The following CNTN6 variants were observed in gnomAD, a reference collection of about 807,000 sequenced individuals.
CNTN6 encodes contactin-6.
Under a neutral mutation model 122.8 loss-of-function variants are expected in CNTN6, and 137 were observed. The observed-to-expected ratio is 1.12, with a 90% CI of 0.97 to 1.29. The LOEUF is 1.29. Ranked by LOEUF, CNTN6 falls within the 50% of genes most tolerant of loss-of-function variation. The pLI is 0.00. For missense variants in CNTN6, 1,634 were observed against 1,223.4 expected, an observed-to-expected ratio of 1.34 and a Z score of -5.01; for synonymous variants, 570 against 426.0, an observed-to-expected ratio of 1.34 and a Z score of -4.16.
At position 1,278,531 on chromosome 3, in the gene CNTN6, A is replaced by G. The variant is rs771828201; in HGVS notation, c.454+23A>G. ...GAGGTATGATGGGGTGATTTGGGTCATATCATCAATGCGGTCACTTGGAGA... is the reference window on the plus strand; with the variant it reads ...GAGGTATGATGGGGTGATTTGGGTCGTATCATCAATGCGGTCACTTGGAGA... On this transcript the variant is annotated intron_variant, in intron 5 of 22. Coordinates refer to ENST00000446702, the MANE Select transcript of CNTN6 (RefSeq NM_001289080.2). 3.9e-6 allele frequency: 6 copies of G among 1,527,066 alleles called. No homozygotes were observed. In the South Asian group the frequency reaches 6.8e-5, roughly 17 times the overall value. 94.6% of individuals were successfully genotyped at this position (1,527,066 alleles called of 1,614,324 possible).
intron 2 of CNTN6, among the ~76,000 whole-genome samples, chr3:1,176,456 G>T (rs2093450400): frequency 6.6e-6 from 1 of 152,150 alleles, no homozygotes; most frequent in Non-Finnish European, 1.5e-5. Flanking sequence ...ATTCAACCTG[G>T]TTAGCCGAAG....
rs1239443471 is a variant in CNTN6 at position 1,113,504 on chromosome 3, C to G, written c.-83+20384C>G. Among the ~76,000 whole-genome samples, 3 of 152,084 alleles carry G rather than the reference C, an allele frequency of 2.0e-5. No individual in the cohort carries two copies. In the South Asian group the frequency reaches 6.2e-4, roughly 31 times the overall value. ...AATAGATTGCTCAATATGCGAACAA[C>G]TTCATTGTAAATTCTAGGAAAAGGG... On this transcript the variant is annotated intron_variant, in intron 1 of 22. Transcript: ENST00000446702.
chr3:1,239,268 C>T (rs2094454739), intron 4 of CNTN6, among the ~76,000 whole-genome samples: 1 of 152,096 alleles, frequency 6.6e-6, no homozygotes, highest in South Asian at 2.1e-4. Context: ...ACCTAAAAAG[C>T]CCTAAAGATT....
intron 3 of CNTN6, among the ~76,000 whole-genome samples, chr3:1,224,364 G>T (rs1256446142): frequency 6.6e-6 from 1 of 151,998 alleles, no homozygotes; most frequent in East Asian, 1.9e-4. Flanking sequence ...ACAGTAGAGG[G>T]ATTATACTCA....
Position 1,362,646 on chromosome 3 carries a change from C to G in CNTN6, c.1493-9653C>G, listed in dbSNP as rs151256812. On this transcript the variant is annotated intron_variant, in intron 12 of 22. Coordinates refer to ENST00000446702, the MANE Select transcript of CNTN6 (RefSeq NM_001289080.2). Reference sequence around the variant, plus strand: ...ATAAAATGGGAAAGACAGAAAGTATCATAAGGAAAATATGGAATATAGTGA... The same window carrying G: ...ATAAAATGGGAAAGACAGAAAGTATGATAAGGAAAATATGGAATATAGTGA... Among the ~76,000 whole-genome samples, 3 of 151,944 alleles carry G rather than the reference C, an allele frequency of 2.0e-5. No homozygotes were observed. In the East Asian group the frequency reaches 5.8e-4, roughly 29 times the overall value.
intron 12 of CNTN6, among the ~76,000 whole-genome samples, chr3:1,359,926 C>G (rs79879569): frequency 0.035 from 5,246 of 152,048 alleles, 127 homozygotes; most frequent in South Asian, 0.057. Context: ...GACTTGCCAA[C>G]AATTCATTTC....
chr3:1,355,873 G>A (rs756869014), intron 12 of CNTN6, among the ~76,000 whole-genome samples: 1 of 151,728 alleles, frequency 6.6e-6, no homozygotes, highest in Non-Finnish European at 1.5e-5. Flanking sequence ...TAGCTGATAT[G>A]GCTTATCTCT....
chr3:1,129,490 C>G (rs2092276680), intron 1 of CNTN6, among the ~76,000 whole-genome samples: 1 of 152,008 alleles, frequency 6.6e-6, no homozygotes, highest in African/African-American at 2.4e-5. Flanking sequence ...TTTGCCCTTT[C>G]CTGTTTTGTG....
At chr3:1,278,242 AT>A (rs1692770489) in intron 4 of CNTN6, among the ~76,000 whole-genome samples, 170 bp from the exon 5 acceptor site, 1 of 152,224 alleles carries the variant, frequency 6.6e-6, no homozygotes. Flanking sequence ...GAAACACAAG[AT>A]TTTGCAAGAT....
intron 17 of CNTN6, among the ~76,000 whole-genome samples, chr3:1,378,391 C>T (rs1028944208): frequency 6.6e-6 from 1 of 152,156 alleles, no homozygotes; most frequent in African/African-American, 2.4e-5. Flanking sequence ...TGAGAGATAA[C>T]TGGGAACCAG....
At chr3:1,282,036 G>A (rs979492290) in intron 5 of CNTN6, among the ~76,000 whole-genome samples, 1 of 151,486 alleles carries the variant, frequency 6.6e-6, no homozygotes, top group Admixed American at 6.6e-5. Context: ...GTAAGAAAAA[G>A]TATCGACATG....
chr3:1,343,503 C>A (rs116147262), intron 11 of CNTN6, among the ~76,000 whole-genome samples: 1 of 152,050 alleles, frequency 6.6e-6, no homozygotes, highest in South Asian at 2.1e-4. Context: ...TTGACTAAAT[C>A]GCTTTCTGTT....
intron 4 of CNTN6, among the ~76,000 whole-genome samples, chr3:1,258,571 TA>T (rs1339793855): frequency 6.6e-6 from 1 of 152,058 alleles, no homozygotes; most frequent in African/African-American, 2.4e-5. Context: ...ATACCTTTAA[TA>T]AAAAAGCGTG....
intron 12 of CNTN6, among the ~76,000 whole-genome samples, chr3:1,370,962 CTATTA>C (rs1295425471): frequency 2.0e-5 from 3 of 152,030 alleles, no homozygotes; most frequent in Non-Finnish European, 2.9e-5. Context: ...TTGATTTTCT[CTATTA>C]TATTCATATT....
At chr3:1,200,901 T>C (rs1339101839) in intron 2 of CNTN6, among the ~76,000 whole-genome samples, 2 of 151,992 alleles carry the variant, frequency 1.3e-5, no homozygotes, top group Non-Finnish European at 2.9e-5. Context: ...TCTTTCTTCT[T>C]TCTTTCCCTT....
chr3:1,355,135 C>G (rs972568588), intron 12 of CNTN6, among the ~76,000 whole-genome samples: 1 of 151,634 alleles, frequency 6.6e-6, no homozygotes, highest in African/African-American at 2.4e-5. Flanking sequence ...CTTCATGACA[C>G]ATCCACATCC....
chr3:1,099,237 G>A (rs534462472), intron 1 of CNTN6, among the ~76,000 whole-genome samples: 26 of 152,162 alleles, frequency 1.7e-4, no homozygotes, highest in African/African-American at 5.5e-4. Flanking sequence ...GGATCACGAG[G>A]TCAGGAGATC....
Position 1,377,027 on chromosome 3 carries a change from C to T in CNTN6, c.2118C>T (p.Asn706=). 6.2e-7 allele frequency: 1 copy of T among 1,607,040 alleles called. No homozygotes were observed. Among genetic ancestry groups the T allele is most frequent in the Non-Finnish European group, 8.5e-7 (1 of 1,176,248 alleles). Residue 706 remains asparagine (N), a synonymous_variant, in exon 17 of 23, where the codon AAC becomes AAT. Coordinates refer to ENST00000446702, the MANE Select transcript of CNTN6 (RefSeq NM_001289080.2). ...TAGTCCCTGTTGTGGCACCAGTAAA[C>T]ATCCATGGAGGTGGAGGAAGTCGGT... is the stretch of plus-strand genomic sequence containing the variant. ...KASVPVVAPV[N]IHGGGGSRSE...
chr3:1,279,330 G>A (rs1692963180), intron 5 of CNTN6, among the ~76,000 whole-genome samples: 1 of 151,978 alleles, frequency 6.6e-6, no homozygotes, highest in Admixed American at 6.6e-5. Context: ...GAACCTGAAG[G>A]AGGCAGTGTG....
Sources: gnomAD v4.1 joint callset for allele counts (sites outside exome capture counted in the v4.1 genomes callset) on GRCh38, gnomAD v4.1.1 for gene constraint, MANE v1.5 for transcripts, NCBI Gene and HGNC (gene_info 2026-07-23, HGNC 2026-07-21) for gene names.